The following CDYL variants were observed in gnomAD, a reference collection of about 807,000 sequenced individuals.
The protein encoded by CDYL is chromodomain Y like, also known as chromodomain Y-like protein.
Under a neutral mutation model 47.3 loss-of-function variants are expected in CDYL, and 8 were observed. The ratio of observed to expected loss-of-function variants is 0.17; its 90% CI spans 0.10 to 0.31. CDYL has a LOEUF of 0.31. Ranked by LOEUF, CDYL falls within the 10% of genes least tolerant of loss-of-function variation. CDYL has a pLI of 1.00. For synonymous variants in CDYL, 266 were observed against 265.0 expected (o/e 1.00, Z -0.04); for missense variants, 471 against 701.4 (o/e 0.67, Z 3.71).
intron 1 of CDYL, among the ~76,000 whole-genome samples, chr6:4,823,042 C>G (rs950800427): frequency 5.9e-5 from 9 of 152,316 alleles, no homozygotes; most frequent in African/African-American, 2.2e-4. Context: ...CACCACCTAT[C>G]TCTATAGAAA....
At chr6:4,928,657 T>G (rs1163283436) in intron 2 of CDYL, 3 of 152,220 alleles carry the variant, frequency 2.0e-5, no homozygotes, top group Non-Finnish European at 4.4e-5. Context: ...CTTTCTTTTC[T>G]CTGTGGTCAG....
chr6:4,868,362 GCTT>G (rs1169168763), intron 1 of CDYL, among the ~76,000 whole-genome samples: 3 of 151,292 alleles, frequency 2.0e-5, no homozygotes, highest in Non-Finnish European at 4.4e-5. Context: ...TTGACTGATG[GCTT>G]CTTTTTTAGA....
intron 1 of CDYL, among the ~76,000 whole-genome samples, chr6:4,843,867 G>A (rs563300128): frequency 6.6e-6 from 1 of 152,102 alleles, no homozygotes; most frequent in Non-Finnish European, 1.5e-5. Flanking sequence ...TTGCTGTTGA[G>A]GTAGTGTGAT....
At chr6:4,721,289 G>A (rs1333577801) in intron 2 of CDYL, among the ~76,000 whole-genome samples, 1 of 151,880 alleles carries the variant, frequency 6.6e-6, no homozygotes, top group Non-Finnish European at 1.5e-5. Flanking sequence ...AAAATTGAAT[G>A]TATTTTGCTA....
intron 2 of CDYL, among the ~76,000 whole-genome samples, chr6:4,898,294 A>C (rs748023556): frequency 6.6e-6 from 1 of 152,212 alleles, no homozygotes; most frequent in East Asian, 1.9e-4. Context: ...CCCTGGGGCC[A>C]CAGCAGGAAA....
chr6:4,849,984 G>T (rs889750917), intron 1 of CDYL, among the ~76,000 whole-genome samples: 1 of 152,138 alleles, frequency 6.6e-6, no homozygotes, highest in African/African-American at 2.4e-5. Flanking sequence ...AACTAGAGTG[G>T]ACTAGCTGGG....
chr6:4,925,593 T>C (rs371827730), intron 2 of CDYL, among the ~76,000 whole-genome samples: 10 of 152,090 alleles, frequency 6.6e-5, no homozygotes, highest in African/African-American at 2.4e-4. Flanking sequence ...TTTTTTTGTA[T>C]TTTTAGTAGA....
intron 1 of CDYL, among the ~76,000 whole-genome samples, chr6:4,788,900 T>C (rs914609376): frequency 1.2e-4 from 19 of 152,138 alleles, no homozygotes; most frequent in Non-Finnish European, 2.5e-4. Context: ...GCTTCCTCCA[T>C]TGTGCCAGGT....
chr6:4,724,028 G>GCTTCTT (rs1380337865), intron 2 of CDYL, among the ~76,000 whole-genome samples: 5 of 152,140 alleles, frequency 3.3e-5, no homozygotes, highest in Admixed American at 1.3e-4. Context: ...TTTGAGTCCT[G>GCTTCTT]CATCTGTCCC....
Position 4,819,179 on chromosome 6 carries a change from T to C in CDYL, c.24+42372T>C, listed in dbSNP as rs186848399. 5.2e-3 allele frequency among the ~76,000 whole-genome samples: 789 copies of C among 151,056 alleles called. 11 individuals carry two copies. Among genetic ancestry groups the C allele is most frequent in the African/African-American group, 0.018 (758 of 40,990 alleles). On this transcript the variant is annotated intron_variant, in intron 1 of 6. Transcript: ENST00000397588. ...CTCTCTCTCTGTGTGTGTGTGTGTG[T>C]GTGTAGCTCTTCACCAGTTTTTCAT...
intron 5 of CDYL, among the ~76,000 whole-genome samples, chr6:4,947,222 T>C (rs1251502632): frequency 2.0e-5 from 3 of 152,130 alleles, no homozygotes; most frequent in Non-Finnish European, 4.4e-5. Context: ...CTGAGAGATA[T>C]TTGCCTTATC....
intron 1 of CDYL, among the ~76,000 whole-genome samples, chr6:4,792,772 A>AC (rs1286193146): frequency 6.6e-6 from 1 of 151,704 alleles, no homozygotes; most frequent in Non-Finnish European, 1.5e-5. Context: ...AATCCTTCCT[A>AC]CCCCAAGATC....
At chr6:4,716,323 T>C (rs1021293211) in intron 2 of CDYL, among the ~76,000 whole-genome samples, 4 of 152,106 alleles carry the variant, frequency 2.6e-5, no homozygotes, top group African/African-American at 9.7e-5. Flanking sequence ...CCAGTCATAA[T>C]ACTCTAGCTG....
intron 1 of CDYL, among the ~76,000 whole-genome samples, chr6:4,851,738 A>T (rs1760835336): frequency 6.6e-6 from 1 of 152,234 alleles, no homozygotes; most frequent in African/African-American, 2.4e-5. Flanking sequence ...GCACGTAGTC[A>T]TTCAGGCTTT....
intron 1 of CDYL, among the ~76,000 whole-genome samples, chr6:4,708,219 C>T (rs1757083292): frequency 6.6e-6 from 1 of 151,778 alleles, no homozygotes; most frequent in Admixed American, 6.6e-5. Flanking sequence ...GCTCTGTCAC[C>T]CAGGCATGAT....
intron 2 of CDYL, among the ~76,000 whole-genome samples, chr6:4,925,677 A>ATTT (rs1757852491): frequency 6.6e-6 from 1 of 152,038 alleles, no homozygotes; most frequent in Non-Finnish European, 1.5e-5. Context: ...CGGCCTCCTA[A>ATTT]AGTGCTGGGA....
intron 1 of CDYL, among the ~76,000 whole-genome samples, chr6:4,787,981 A>T (rs914987862): frequency 6.6e-6 from 1 of 151,382 alleles, no homozygotes; most frequent in African/African-American, 2.4e-5. Context: ...CATTTTGGCC[A>T]GGCTGGTCTC....
intron 3 of CDYL, among the ~76,000 whole-genome samples, chr6:4,753,331 T>C (rs1170437973): frequency 2.0e-5 from 3 of 152,164 alleles, no homozygotes; most frequent in Non-Finnish European, 4.4e-5. Flanking sequence ...TGCTAAACTG[T>C]ATGAGGTAGC....
intron 1 of CDYL, 23 bp from the exon 2 acceptor site, chr6:4,891,690 T>A: frequency 6.4e-7 from 1 of 1,553,800 alleles, no homozygotes; most frequent in Non-Finnish European, 8.7e-7. Flanking sequence ...TTTTTAAAAC[T>A]ATTTTTTTCC....
Sources: allele counts gnomAD v4.1 joint callset (sites outside exome capture counted in the v4.1 genomes callset), GRCh38; gene constraint gnomAD v4.1.1; transcripts MANE v1.5; gene names NCBI Gene and HGNC (gene_info 2026-07-23, HGNC 2026-07-21).